Variants in FSD1 observed in about 807,000 individuals in gnomAD.
FSD1 encodes fibronectin type III and SPRY domain-containing protein 1.
Under a neutral mutation model 58.2 loss-of-function variants are expected in FSD1, and 23 were observed. The observed-to-expected ratio is 0.40, with a 90% CI of 0.28 to 0.56. FSD1 has a LOEUF of 0.56. Ranked by LOEUF, FSD1 falls within the 20% of genes least tolerant of loss-of-function variation. The probability of loss-of-function intolerance (pLI) is 0.54; values close to 1 mark genes in which losing one functional copy is unlikely to be tolerated. For synonymous variants in FSD1, 265 were observed against 263.4 expected (o/e 1.01, Z -0.06); for missense variants, 563 against 670.8 (o/e 0.84, Z 1.78).
intron 7 of FSD1, among the ~76,000 whole-genome samples, chr19:4,312,662 G>A (rs1417806109): frequency 1.3e-4 from 20 of 151,736 alleles, no homozygotes; most frequent in Admixed American, 1.1e-3. Flanking sequence ...AAAATTAGCC[G>A]GGCGTGGCGG....
In FSD1 at chr19:4,305,137, G is replaced by T. The variant is rs966856873; in HGVS notation, c.15+376G>T. Reference sequence around the variant, plus strand: ...TGCGGACCCCACCGACCCTGCCCCAGGAAAAAGGAGCAGGTTGGAGCCTGG... The same window carrying T: ...TGCGGACCCCACCGACCCTGCCCCATGAAAAAGGAGCAGGTTGGAGCCTGG... On this transcript the variant is annotated intron_variant, in intron 1 of 12. Transcript: ENST00000221856. Among the ~76,000 whole-genome samples the T allele has an allele frequency of 5.5e-4, 57 of 103,240 alleles. 1 individual carries two copies. The highest frequency in any genetic ancestry group is 2.8e-4 in the Non-Finnish European group (15 of 52,696). The allele number at this position is 103,240 out of a possible 152,430, so 67.7% of individuals were successfully genotyped here.
rs137855374 is a variant in FSD1 at position 4,313,441 on chromosome 19, C to T, written c.700+1390C>T. On this transcript the variant is annotated intron_variant, in intron 7 of 12. Coordinates refer to ENST00000221856, the MANE Select transcript of FSD1 (RefSeq NM_024333.3). Reference sequence around the variant, plus strand: ...TCTGAAGGGGGAAAGCCTCCTGGGCCGGGCGTGGTGGCTCACACCTGTACT... The same window carrying T: ...TCTGAAGGGGGAAAGCCTCCTGGGCTGGGCGTGGTGGCTCACACCTGTACT... Among the ~76,000 whole-genome samples, 145 of 137,670 alleles carry T rather than the reference C, an allele frequency of 1.1e-3. 2 individuals carry two copies. The South Asian group carries it at 0.02, about 19-fold the overall frequency. 90.3% of individuals were successfully genotyped at this position (137,670 alleles called of 152,430 possible).
chr19:4,305,662 C>G (rs189305647), intron 1 of FSD1, among the ~76,000 whole-genome samples: 1 of 152,190 alleles, frequency 6.6e-6, no homozygotes, highest in East Asian at 1.9e-4. Context: ...CAGCCCGGAG[C>G]TTTACCTCCT....
At chr19:4,310,224 C>T (rs1280421188) in intron 4 of FSD1, 49 bp from the exon 5 acceptor site, 1 of 1,611,454 alleles carries the variant, frequency 6.2e-7, no homozygotes, top group East Asian at 2.2e-5. Context: ...GACTCCGTCT[C>T]AAAAACAAAA....
intron 7 of FSD1, among the ~76,000 whole-genome samples, chr19:4,313,539 G>A (rs1971719013): frequency 6.6e-6 from 1 of 151,600 alleles, no homozygotes; most frequent in South Asian, 2.1e-4. Context: ...CCAACATGGT[G>A]AAACCCTGTC....
intron 4 of FSD1, among the ~76,000 whole-genome samples, chr19:4,309,149 G>A (rs1043708937): frequency 4.6e-5 from 7 of 152,106 alleles, no homozygotes; most frequent in Non-Finnish European, 7.4e-5. Context: ...TCAAGAGGCT[G>A]AAGTGGGAGG....
intron 9 of FSD1, 58 bp from the exon 10 acceptor site, chr19:4,318,813 TG>T: frequency 7.3e-7 from 1 of 1,369,522 alleles, no homozygotes; most frequent in Non-Finnish European, 1.0e-6. Context: ...AGCCTTACCG[TG>T]GGAGAGAGAA....
At chr19:4,310,767 G>T in intron 6 of FSD1, 171 bp downstream of exon 6, 1 of 677,008 alleles carries the variant, frequency 1.5e-6, no homozygotes, top group East Asian at 2.9e-5. Context: ...TTCTCATGGA[G>T]CCCCGCCCCT....
At position 4,305,961 on chromosome 19, in the gene FSD1, A is replaced by T. The variant is rs1332301511; in HGVS notation, c.31A>T (p.Ile11Phe). Residue 11 changes from isoleucine (I) to phenylalanine (F), a missense_variant, in exon 2 of 13, where the codon ATC becomes TTC. Transcript: ENST00000221856. ...GGTGGTGCAGGAGGCCCTGAGGAAG[A>T]TCATCAAAACACTGGCTGTGAAGAA... The part of the protein sequence containing the change: MEEQREALRK[I>F]IKTLAVKNEE... The T allele has an allele frequency of 6.2e-7, 1 of 1,614,002 alleles. No individual in the cohort carries two copies. Among genetic ancestry groups the T allele is most frequent in the South Asian group, 1.1e-5 (1 of 91,080 alleles).
chr19:4,318,270 T>G, intron 8 of FSD1, 76 bp from the exon 9 acceptor site: 1 of 1,595,646 alleles, frequency 6.3e-7, no homozygotes, highest in Non-Finnish European at 8.6e-7. Flanking sequence ...TCTTGGTCAC[T>G]CTCTGTCTCT....
At position 4,310,538 on chromosome 19, in the gene FSD1, C is replaced by A; in HGVS notation, c.432C>A (p.His144Gln). The change falls in exon 6 of 13, where the codon CAC becomes CAA. Residue 144 changes from histidine (H) to glutamine (Q), a missense_variant. Transcript: ENST00000221856. Reference protein sequence around the residue: ...LKAKVSDNMSHLMVDFAQERQ... With the variant: ...LKAKVSDNMSQLMVDFAQERQ... ...CGAAGGTCAGTGACAACATGAGTCACCTCATGGTGGACTTCGCGCAAGAGC... is the reference window on the plus strand; with the variant it reads ...CGAAGGTCAGTGACAACATGAGTCAACTCATGGTGGACTTCGCGCAAGAGC... The A allele has an allele frequency of 6.2e-7, 1 of 1,613,842 alleles. No individual in the cohort carries two copies. The highest frequency in any genetic ancestry group is 8.5e-7 in the Non-Finnish European group (1 of 1,179,878).
At chr19:4,304,851 C>T (rs1241047456) in intron 1 of FSD1, 90 bp downstream of exon 1, 25 of 470,084 alleles carry the variant, frequency 5.3e-5, no homozygotes, top group Non-Finnish European at 7.0e-5. Flanking sequence ...ACTCCCTCCC[C>T]GCCTCCACCC....
intron 7 of FSD1, among the ~76,000 whole-genome samples, chr19:4,315,301 A>ATTTTT (rs1219053251): frequency 1.3e-4 from 10 of 79,562 alleles, no homozygotes; most frequent in African/African-American, 1.7e-4. Context: ...CGCCTGGTTA[A>ATTTTT]TTTTTTTTTT....
intron 1 of FSD1, 42 bp from the exon 2 acceptor site, chr19:4,305,890 CTGTGTGCGCACATG>C: frequency 7.9e-7 from 1 of 1,267,768 alleles, no homozygotes; most frequent in East Asian, 2.3e-5. Context: ...GTGTGTGTAC[CTGTGTGCGCACATG>C]TGTGTGTGCA....
At chr19:4,313,953 GGGAGGC>G (rs2144762610) in intron 7 of FSD1, among the ~76,000 whole-genome samples, 1 of 151,818 alleles carries the variant, frequency 6.6e-6, no homozygotes, top group African/African-American at 2.4e-5. Context: ...ACTTCAGCCT[GGGAGGC>G]GGAGGCTGCA....
At chr19:4,318,215 T>C (rs1046707218) in intron 8 of FSD1, 131 bp from the exon 9 acceptor site, 9 of 1,166,296 alleles carry the variant, frequency 7.7e-6, no homozygotes, top group Non-Finnish European at 1.1e-5. Context: ...TGTCTTGGAC[T>C]CTTATCTCCT....
intron 6 of FSD1, chr19:4,311,608 A>G: frequency 2.1e-6 from 1 of 475,130 alleles, no homozygotes; most frequent in South Asian, 2.2e-5. Context: ...CGCTTGAACC[A>G]GGGAGTCGGA....
At position 4,317,210 on chromosome 19, in the gene FSD1, C is replaced by A. The variant is rs760787936; in HGVS notation, c.729C>A (p.Asn243Lys). Reference protein sequence around the residue: ...TGLKFDMKYMNFRVKACNKAV... With the variant: ...TGLKFDMKYMKFRVKACNKAV... ...TCAAGTTTGACATGAAATACATGAACTTCCGTGTGAAGGCCTGTAACAAGG... is the reference window on the plus strand; with the variant it reads ...TCAAGTTTGACATGAAATACATGAAATTCCGTGTGAAGGCCTGTAACAAGG... Residue 243 changes from asparagine (N) to lysine (K), a missense_variant, in exon 8 of 13, where the codon AAC becomes AAA. Physicochemically the swap from Asn to Lys is moderately conservative, Grantham distance 94. Coordinates refer to ENST00000221856, the MANE Select transcript of FSD1 (RefSeq NM_024333.3). 8 of 1,612,118 alleles carry A rather than the reference C, an allele frequency of 5.0e-6. No individual in the cohort carries two copies. The African/African-American group carries it at 5.3e-5, about 11-fold the overall frequency.
At chr19:4,320,009 A>G (rs1037615287) in intron 10 of FSD1, among the ~76,000 whole-genome samples, 3 of 152,160 alleles carry the variant, frequency 2.0e-5, no homozygotes, top group Non-Finnish European at 4.4e-5. Context: ...AACTCTGGAG[A>G]GAATCTGGAT....
Sources: gnomAD v4.1 joint callset for allele counts (sites outside exome capture counted in the v4.1 genomes callset) on GRCh38, gnomAD v4.1.1 for gene constraint, MANE v1.5 for transcripts, NCBI Gene and HGNC (gene_info 2026-07-23, HGNC 2026-07-21) for gene names.